The following MARCHF1 variants were observed in gnomAD, a reference collection of about 807,000 sequenced individuals.
MARCHF1 encodes membrane associated ring-CH-type finger 1.
MARCHF1 carries 40 observed loss-of-function variants against 54.2 expected under a neutral mutation model. That is an observed-to-expected ratio of 0.74 (90% confidence interval 0.57 to 0.96). MARCHF1 has a LOEUF of 0.96. Among genes scored for constraint, MARCHF1 ranks in the 40% least tolerant of loss-of-function variants. MARCHF1 has a pLI of 0.00. For missense variants in MARCHF1, 586 were observed against 656.5 expected (o/e 0.89, Z 1.17); for synonymous variants, 236 against 236.3 (o/e 1.00, Z 0.01).
At chr4:164,368,119 A>T (rs1730931221) in intron 1 of MARCHF1, among the ~76,000 whole-genome samples, 1 of 151,562 alleles carries the variant, frequency 6.6e-6, no homozygotes, top group Non-Finnish European at 1.5e-5. Context: ...ACTAGAAAAA[A>T]AAAACCACAA....
At chr4:163,914,304 A>G (rs1751259536) in intron 3 of MARCHF1, among the ~76,000 whole-genome samples, 1 of 152,170 alleles carries the variant, frequency 6.6e-6, no homozygotes, top group Non-Finnish European at 1.5e-5. Flanking sequence ...TGCAAAAATT[A>G]TTAATATACA....
chr4:164,177,289 T>C (rs945222300), intron 1 of MARCHF1, among the ~76,000 whole-genome samples: 4 of 151,962 alleles, frequency 2.6e-5, no homozygotes, highest in African/African-American at 9.7e-5. Flanking sequence ...AACTTTCCTA[T>C]GGCCAAAAGA....
chr4:164,185,231 T>C (rs1730936045), intron 1 of MARCHF1, among the ~76,000 whole-genome samples: 2 of 152,210 alleles, frequency 1.3e-5, no homozygotes, highest in South Asian at 4.1e-4. Context: ...TATGTTGCAT[T>C]AGCATACTAC....
At chr4:164,207,510 A>G (rs931094031) in intron 1 of MARCHF1, among the ~76,000 whole-genome samples, 1 of 152,230 alleles carries the variant, frequency 6.6e-6, no homozygotes, top group African/African-American at 2.4e-5. Context: ...TTAGGAAAAC[A>G]TTAAAGAGAA....
intron 3 of MARCHF1, among the ~76,000 whole-genome samples, chr4:163,874,200 C>G (rs1427240932): frequency 2.0e-5 from 3 of 152,184 alleles, no homozygotes; most frequent in Non-Finnish European, 4.4e-5. Context: ...TGGGAACTCA[C>G]AAACTGCAAC....
At chr4:163,934,096 C>A (rs1751739598) in intron 3 of MARCHF1, among the ~76,000 whole-genome samples, 1 of 152,120 alleles carries the variant, frequency 6.6e-6, no homozygotes, top group East Asian at 1.9e-4. Flanking sequence ...CTTTTCCATG[C>A]AGATATGTGC....
intron 4 of MARCHF1, among the ~76,000 whole-genome samples, chr4:163,835,125 C>T (rs529260122): frequency 1.3e-5 from 2 of 152,254 alleles, no homozygotes; most frequent in African/African-American, 4.8e-5. Flanking sequence ...TTAAGTGATC[C>T]TTCCACTCAG....
intron 1 of MARCHF1, chr4:164,188,349 G>A (rs867028257): frequency 5.5e-5 from 24 of 440,122 alleles, no homozygotes; most frequent in South Asian, 1.8e-4. Flanking sequence ...CATTGCCTGC[G>A]ACGCCCTGCC....
At chr4:163,634,140 T>A (rs943772906) in intron 5 of MARCHF1, among the ~76,000 whole-genome samples, 1 of 152,100 alleles carries the variant, frequency 6.6e-6, no homozygotes, top group African/African-American at 2.4e-5. Context: ...TGCTGCAAAA[T>A]CATGCCAAAA....
chr4:164,219,923 C>T (rs371075095), intron 1 of MARCHF1, among the ~76,000 whole-genome samples: 35 of 151,990 alleles, frequency 2.3e-4, no homozygotes, highest in Middle Eastern at 3.4e-3. Flanking sequence ...GACCCAGACA[C>T]GGTGAAGTTA....
At chr4:164,013,960 C>A (rs532867762) in intron 2 of MARCHF1, among the ~76,000 whole-genome samples, 11 of 151,986 alleles carry the variant, frequency 7.2e-5, no homozygotes, top group Admixed American at 4.6e-4. Context: ...GCAGGTGGAT[C>A]ATGATGCAGG....
intron 3 of MARCHF1, among the ~76,000 whole-genome samples, chr4:163,972,832 C>T (rs1009410696): frequency 2.2e-4 from 33 of 151,806 alleles, no homozygotes; most frequent in African/African-American, 7.3e-4. Context: ...GCTGGGATTA[C>T]AGGCGTGAGC....
At chr4:164,049,112 G>A (rs1333245439) in intron 2 of MARCHF1, among the ~76,000 whole-genome samples, 1 of 152,190 alleles carries the variant, frequency 6.6e-6, no homozygotes, top group Non-Finnish European at 1.5e-5. Flanking sequence ...AAGAAAAGAA[G>A]TTTAACTGAC....
At chr4:164,374,262 T>C (rs1039496557) in intron 1 of MARCHF1, among the ~76,000 whole-genome samples, 11 of 152,178 alleles carry the variant, frequency 7.2e-5, no homozygotes, top group African/African-American at 2.7e-4. Flanking sequence ...TTTTAAGTTT[T>C]GCTTTAATAT....
At chr4:163,679,860 A>T (rs1744043763) in intron 5 of MARCHF1, among the ~76,000 whole-genome samples, 1 of 151,774 alleles carries the variant, frequency 6.6e-6, no homozygotes, top group South Asian at 2.1e-4. Context: ...TCGGCCTCCC[A>T]AAGTGCTGGG....
intron 2 of MARCHF1, among the ~76,000 whole-genome samples, chr4:164,101,925 T>G (rs1171055283): frequency 2.7e-5 from 4 of 149,544 alleles, no homozygotes; most frequent in Non-Finnish European, 4.5e-5. Context: ...TTAAAGGAGC[T>G]GATGGAGCTG....
intron 1 of MARCHF1, among the ~76,000 whole-genome samples, chr4:164,342,781 A>G (rs893140137): frequency 2.6e-5 from 4 of 152,130 alleles, no homozygotes; most frequent in Non-Finnish European, 5.9e-5. Flanking sequence ...ACACACACAA[A>G]AACACACAAT....
At chr4:164,034,155 A>T (rs1753945579) in intron 2 of MARCHF1, among the ~76,000 whole-genome samples, 1 of 151,806 alleles carries the variant, frequency 6.6e-6, no homozygotes, top group Non-Finnish European at 1.5e-5. Flanking sequence ...TGCAGCCACA[A>T]AAAGGAATGA....
At position 163,527,649 on chromosome 4, in the gene MARCHF1, A is replaced by AAAG. The variant is rs1179234761; in HGVS notation, c.*1096_*1098dup. ...AACTAACTTTTGTGACTTTGAAATA[A>AAAG]AAGAATGAATTAAACTGTTTTGAAA... On this transcript the variant is annotated 3_prime_UTR_variant, in exon 10 of 10. Transcript: ENST00000514618. The AAAG allele has an allele frequency of 1.3e-5, 2 of 151,982 alleles. No homozygotes were observed. The highest frequency in any genetic ancestry group is 1.9e-4 in the East Asian group (1 of 5,188). The allele number at this position is 151,982 out of a possible 1,614,324, so 9.4% of individuals were successfully genotyped here.
Sources: gnomAD v4.1 joint callset for allele counts (sites outside exome capture counted in the v4.1 genomes callset) on GRCh38, gnomAD v4.1.1 for gene constraint, MANE v1.5 for transcripts, NCBI Gene and HGNC (gene_info 2026-07-23, HGNC 2026-07-21) for gene names.